Variants in CDH13 observed in about 807,000 individuals in gnomAD.
The protein encoded by CDH13 is cadherin-13.
CDH13 carries 24 observed loss-of-function variants against 63.8 expected under a neutral mutation model. That is an observed-to-expected ratio of 0.38 (90% CI 0.27 to 0.53). The LOEUF (loss-of-function observed/expected upper bound fraction) is 0.53, where lower values mean the gene tolerates loss of function less well. CDH13 is among the 20% of genes least tolerant of loss of function. The probability of loss-of-function intolerance (pLI) is 0.85; values close to 1 mark genes in which losing one functional copy is unlikely to be tolerated. For synonymous variants in CDH13, 503 were observed against 355.3 expected (o/e 1.42, Z -4.67); for missense variants, 1,049 against 903.1 (o/e 1.16, Z -2.07).
chr16:83,261,968 A>G, intron 5 of CDH13, among the ~76,000 whole-genome samples: 1 of 152,102 alleles, frequency 6.6e-6, no homozygotes, highest in East Asian at 1.9e-4. Flanking sequence ...TTCCGGAGTC[A>G]CTGCAAACTA....
intron 2 of CDH13, among the ~76,000 whole-genome samples, chr16:82,936,797 C>G (rs1402641286): frequency 6.6e-6 from 1 of 151,518 alleles, no homozygotes; most frequent in African/African-American, 2.4e-5. Context: ...ACTGCTTAGT[C>G]TTGTGTGCGT....
At chr16:83,630,497 C>T (rs944837089) in intron 8 of CDH13, among the ~76,000 whole-genome samples, 7 of 152,154 alleles carry the variant, frequency 4.6e-5, no homozygotes, top group African/African-American at 1.7e-4. Context: ...AGGGAGCTTA[C>T]AGGTCATAAG....
chr16:83,033,648 G>C (rs747262109), intron 3 of CDH13, among the ~76,000 whole-genome samples: 4 of 152,106 alleles, frequency 2.6e-5, no homozygotes, highest in Non-Finnish European at 5.9e-5. Flanking sequence ...GCAGATCCCT[G>C]CACTCCCACA....
At chr16:82,705,357 A>G (rs2031405313) in intron 1 of CDH13, 1 of 350,632 alleles carries the variant, frequency 2.9e-6, no homozygotes, top group Admixed American at 4.1e-5. Flanking sequence ...TATAACAATT[A>G]GAATTCAATA....
intron 10 of CDH13, among the ~76,000 whole-genome samples, chr16:83,696,766 T>C (rs76052276): frequency 0.027 from 4,166 of 152,270 alleles, 212 homozygotes; most frequent in African/African-American, 0.096. Context: ...CCACCATCGT[T>C]CACCCAGATG....
At chr16:83,407,441 C>A (rs559499986) in intron 6 of CDH13, among the ~76,000 whole-genome samples, 4 of 152,190 alleles carry the variant, frequency 2.6e-5, no homozygotes, top group Non-Finnish European at 5.9e-5. Flanking sequence ...AATGTCCAGG[C>A]TGCTAAAGCA....
intron 7 of CDH13, among the ~76,000 whole-genome samples, chr16:83,543,107 T>C (rs1169131168): frequency 6.6e-6 from 1 of 152,246 alleles, no homozygotes; most frequent in African/African-American, 2.4e-5. Context: ...AGCTTGGCGC[T>C]TGGCACATCG....
chr16:83,177,449 G>C (rs371703574), intron 4 of CDH13, among the ~76,000 whole-genome samples: 2 of 152,310 alleles, frequency 1.3e-5, no homozygotes, highest in South Asian at 2.1e-4. Flanking sequence ...ACTCAGCTAT[G>C]ATAGATCATG....
intron 2 of CDH13, among the ~76,000 whole-genome samples, chr16:82,871,214 T>A (rs1204741207): frequency 6.6e-6 from 1 of 152,120 alleles, no homozygotes; most frequent in Non-Finnish European, 1.5e-5. Flanking sequence ...CTGTTTTCAG[T>A]GTTTTGAATT....
chr16:83,425,420 C>A (rs576596120), intron 6 of CDH13, among the ~76,000 whole-genome samples: 1 of 152,248 alleles, frequency 6.6e-6, no homozygotes, highest in Non-Finnish European at 1.5e-5. Context: ...TTACCTGCTG[C>A]GTTCCCACTC....
intron 2 of CDH13, among the ~76,000 whole-genome samples, chr16:82,973,531 G>T (rs1052774791): frequency 1.3e-5 from 2 of 152,136 alleles, no homozygotes; most frequent in Non-Finnish European, 2.9e-5. Flanking sequence ...AGGAAAACAA[G>T]GTGTAGTCCC....
rs756164030 is a variant in CDH13, at chr16:83,783,263, C to T, written c.1925C>T (p.Ala642Val). The T allele has an allele frequency of 5.0e-6, 8 of 1,613,194 alleles. No homozygotes were observed. In the South Asian group the frequency reaches 7.7e-5, roughly 16 times the overall value. Reference sequence around the variant, plus strand: ...CTCCTTGCCTTTACAGATACACACGCCCTGGTAAGCCTTCTTCAAAATCTG... The same window carrying T: ...CTCCTTGCCTTTACAGATACACACGTCCTGGTAAGCCTTCTTCAAAATCTG... Reference protein sequence around the residue: ...WKISKINNTHALVSLLQNLNK... With the variant: ...WKISKINNTHVLVSLLQNLNK... The change falls in exon 13 of 14, where the codon GCC becomes GTC. Residue 642 changes from alanine (A) to valine (V), a missense_variant. Physicochemically the swap from Ala to Val is moderately conservative, Grantham distance 64. Coordinates refer to ENST00000567109, the MANE Select transcript of CDH13 (RefSeq NM_001257.5).
chr16:83,289,229 C>G, intron 5 of CDH13, among the ~76,000 whole-genome samples: 1 of 152,198 alleles, frequency 6.6e-6, no homozygotes, highest in Non-Finnish European at 1.5e-5. Context: ...CAGTACATAA[C>G]CCAACCTGGG....
chr16:82,932,059 G>C (rs1203699844), intron 2 of CDH13, among the ~76,000 whole-genome samples: 2 of 152,134 alleles, frequency 1.3e-5, no homozygotes, highest in Non-Finnish European at 2.9e-5. Context: ...TGTAGTTAGT[G>C]GGAAGAATGT....
intron 10 of CDH13, among the ~76,000 whole-genome samples, chr16:83,688,615 T>C (rs1335643799): frequency 6.6e-6 from 1 of 152,210 alleles, no homozygotes; most frequent in Non-Finnish European, 1.5e-5. Flanking sequence ...TTTTTTTGGT[T>C]CTTGTTTTTA....
At chr16:82,652,387 G>A (rs1024722146) in intron 1 of CDH13, among the ~76,000 whole-genome samples, 13 of 152,188 alleles carry the variant, frequency 8.5e-5, no homozygotes, top group African/African-American at 3.1e-4. Flanking sequence ...GTTAAATAAG[G>A]AACGACCTCT....
intron 10 of CDH13, among the ~76,000 whole-genome samples, chr16:83,735,019 G>T (rs1377944881): frequency 2.0e-5 from 3 of 148,288 alleles, no homozygotes; most frequent in Non-Finnish European, 4.5e-5. Context: ...AAAAACATAA[G>T]CGTCAGTTCT....
chr16:83,493,432 C>T (rs541572061), intron 7 of CDH13, among the ~76,000 whole-genome samples: 11 of 152,158 alleles, frequency 7.2e-5, no homozygotes, highest in East Asian at 1.9e-4. Flanking sequence ...GATATCAGGA[C>T]GCAAAGATTG....
chr16:82,681,609 C>A (rs1377053669), intron 1 of CDH13, among the ~76,000 whole-genome samples: 5 of 152,250 alleles, frequency 3.3e-5, no homozygotes, highest in African/African-American at 1.2e-4. Context: ...CACTTTCTTG[C>A]TTAACCTGGC....
Sources: gnomAD v4.1 joint callset for allele counts (sites outside exome capture counted in the v4.1 genomes callset) on GRCh38, gnomAD v4.1.1 for gene constraint, MANE v1.5 for transcripts, NCBI Gene and HGNC (gene_info 2026-07-23, HGNC 2026-07-21) for gene names.